The following NAA35 variants were observed in gnomAD, a reference collection of about 807,000 sequenced individuals.
The protein encoded by NAA35 is MAK10 homolog, amino-acid N-acetyltransferase subunit.
In NAA35, 18 loss-of-function variants were observed where a neutral mutation model predicts 101.7. The observed-to-expected ratio is 0.18, with a 90% CI of 0.12 to 0.26. The LOEUF is 0.26. Ranked by LOEUF, NAA35 falls within the 10% of genes least tolerant of loss-of-function variation. The pLI is 1.00. For missense variants in NAA35, 601 were observed against 886.8 expected (o/e 0.68, Z 4.09); for synonymous variants, 267 against 273.1 (o/e 0.98, Z 0.22).
At chr9:85,979,794 CCA>C (rs1034767968) in intron 11 of NAA35, among the ~76,000 whole-genome samples, 1 of 152,142 alleles carries the variant, frequency 6.6e-6, no homozygotes, top group Non-Finnish European at 1.5e-5. Context: ...GTAGGTTTTT[CCA>C]CACACACCAG....
intron 2 of NAA35, among the ~76,000 whole-genome samples, chr9:85,944,393 GGATTAGGAT>G (rs1828664714): frequency 6.6e-6 from 1 of 152,194 alleles, no homozygotes; most frequent in Admixed American, 6.5e-5. Flanking sequence ...AATTTATGAT[GGATTAGGAT>G]GAAAAGAGTC....
At chr9:85,943,323 G>A (rs1375590734) in intron 2 of NAA35, among the ~76,000 whole-genome samples, 1 of 152,168 alleles carries the variant, frequency 6.6e-6, no homozygotes, top group Non-Finnish European at 1.5e-5. Context: ...AAGGACTGAA[G>A]TTAGGATGAA....
intron 6 of NAA35, among the ~76,000 whole-genome samples, chr9:85,965,812 T>C (rs1053766257): frequency 2.6e-5 from 4 of 152,204 alleles, no homozygotes; most frequent in African/African-American, 9.7e-5. Flanking sequence ...TAGCTAAATC[T>C]TCATACATAA....
At chr9:85,985,654 T>C (rs1280523027) in intron 11 of NAA35, among the ~76,000 whole-genome samples, 2 of 152,212 alleles carry the variant, frequency 1.3e-5, no homozygotes, top group Admixed American at 6.5e-5. Flanking sequence ...GAAAATGTTC[T>C]AAATTTGATT....
intron 2 of NAA35, among the ~76,000 whole-genome samples, chr9:85,945,611 C>T (rs957110230): frequency 2.1e-5 from 3 of 145,604 alleles, no homozygotes; most frequent in Non-Finnish European, 2.9e-5. Flanking sequence ...CTCGACCTCC[C>T]GGGTTCACGC....
rs752498139 is a variant in NAA35, at chr9:85,961,996, CTT to C, written c.349-14_349-13del. ...CAGTTTATCACCTTAAATATATACTCTTTTGTTTCTTTATAGATAACGTGGTT... is the reference window on the plus strand; with the variant it reads ...CAGTTTATCACCTTAAATATATACTCTTGTTTCTTTATAGATAACGTGGTT... On this transcript the variant is annotated splice_polypyrimidine_tract_variant and intron_variant, in intron 5 of 22. Coordinates refer to ENST00000361671, the MANE Select transcript of NAA35 (RefSeq NM_024635.4). 2 of 1,588,992 alleles carry C rather than the reference CTT, an allele frequency of 1.3e-6. No individual in the cohort carries two copies. Among genetic ancestry groups the C allele is most frequent in the Non-Finnish European group, 8.5e-7 (1 of 1,170,256 alleles).
At chr9:85,983,546 GCAAA>G (rs982999475) in intron 11 of NAA35, among the ~76,000 whole-genome samples, 66 of 151,744 alleles carry the variant, frequency 4.3e-4, no homozygotes, top group African/African-American at 1.5e-3. Context: ...AATAAAACAG[GCAAA>G]CAAAGTACCT....
chr9:85,955,864 TATAGGGATTGAACACTG>T (rs1829253612), intron 2 of NAA35, among the ~76,000 whole-genome samples: 1 of 152,212 alleles, frequency 6.6e-6, no homozygotes, highest in African/African-American at 2.4e-5. Flanking sequence ...ACCACTGCTT[TATAGGGATTGAACACTG>T]TTTTGATTAC....
At position 85,953,394 on chromosome 9, in the gene NAA35, C is replaced by G. The variant is rs146743849; in HGVS notation, c.125-2966C>G. 3.9e-5 allele frequency among the ~76,000 whole-genome samples: 6 copies of G among 152,066 alleles called. No homozygotes were observed. In the East Asian group the frequency reaches 1.2e-3, roughly 29 times the overall value. On this transcript the variant is annotated intron_variant, in intron 2 of 22. Coordinates refer to ENST00000361671, the MANE Select transcript of NAA35 (RefSeq NM_024635.4). ...AACGGTAACTCTTCATCATTCCTCT[C>G]CCCATTCTCTGGCAACCAGCAGTCT...
intron 11 of NAA35, among the ~76,000 whole-genome samples, chr9:85,983,201 A>G (rs1442670185): frequency 2.0e-5 from 3 of 152,124 alleles, no homozygotes; most frequent in African/African-American, 7.2e-5. Flanking sequence ...TGAGAGAGTT[A>G]AGTGAAAGTT....
At chr9:86,018,647 T>C (rs886268277) in intron 20 of NAA35, 52 bp from the exon 21 acceptor site, 160 of 1,577,232 alleles carry the variant, frequency 1.0e-4, no homozygotes, top group Non-Finnish European at 1.3e-4. Context: ...AATGGGATTT[T>C]AGAGTTGTTC....
At chr9:85,980,861 A>G (rs1320347726) in intron 11 of NAA35, among the ~76,000 whole-genome samples, 2 of 152,180 alleles carry the variant, frequency 1.3e-5, no homozygotes, top group Non-Finnish European at 2.9e-5. Flanking sequence ...TGGCCATTCC[A>G]GTAGAGAGGA....
chr9:85,969,270 CAAAA>C (rs61275261), intron 6 of NAA35, among the ~76,000 whole-genome samples: 11 of 105,604 alleles, frequency 1.0e-4, no homozygotes, highest in Non-Finnish European at 8.6e-5. Flanking sequence ...CCTGGTATGT[CAAAA>C]AAAAAAAAAA....
In NAA35 at chr9:86,003,645, G is replaced by A; in HGVS notation, c.1116+1G>A. On this transcript the variant is annotated splice_donor_variant, in intron 13 of 22. Transcript: ENST00000361671. LOFTEE classifies it high-confidence loss of function. ...TGTTCTTTCAAGATCTCTGTTACAA[G>A]TAAGTTCCACTTAGTATCAAAATAC... The A allele has an allele frequency of 6.3e-7, 1 of 1,576,088 alleles. No individual in the cohort carries two copies. Among genetic ancestry groups the A allele is most frequent in the Non-Finnish European group, 8.7e-7 (1 of 1,152,622 alleles).
intron 13 of NAA35, among the ~76,000 whole-genome samples, chr9:86,005,503 T>G (rs537719631): frequency 6.6e-6 from 1 of 152,176 alleles, no homozygotes; most frequent in African/African-American, 2.4e-5. Context: ...GAAAAAGAAA[T>G]AAATGGCACA....
chr9:85,978,455 A>C (rs1368338556), intron 11 of NAA35, 74 bp downstream of exon 11: 1 of 1,058,560 alleles, frequency 9.4e-7, no homozygotes, highest in African/African-American at 1.6e-5. Flanking sequence ...AGCTTGTACT[A>C]AAGTTTTTTC....
intron 6 of NAA35, among the ~76,000 whole-genome samples, chr9:85,963,327 A>G (rs930819573): frequency 1.1e-4 from 15 of 139,426 alleles, no homozygotes; most frequent in South Asian, 8.9e-4. Context: ...TTGGAGTACA[A>G]TGGGGCAGTT....
chr9:86,018,618 G>C (rs1436452833), intron 20 of NAA35, 81 bp from the exon 21 acceptor site: 8 of 1,525,798 alleles, frequency 5.2e-6, no homozygotes, highest in African/African-American at 1.4e-5. Context: ...AGAAAATGTA[G>C]AATTCTTTAA....
chr9:85,996,518 A>G lies in NAA35; in HGVS notation c.997A>G (p.Ile333Val). 1 of 1,604,028 alleles carries G rather than the reference A, an allele frequency of 6.2e-7. No individual in the cohort carries two copies. Among genetic ancestry groups the G allele is most frequent in the Non-Finnish European group, 8.5e-7 (1 of 1,176,976 alleles). The part of the protein sequence containing the change: ...EEMVNYFARL[I>V]DRIKTVCEVV... ...AATGGTGAACTATTTTGCAAGATTA[A>G]TAGATAGAATAAAAACTGTCTGTGA... Residue 333 changes from isoleucine (I) to valine (V), a missense_variant, in exon 12 of 23, where the codon ATA (isoleucine) becomes GTA (valine). This residue lies in a region of NAA35 where 190 missense variants were observed against 223.1 expected (regional missense o/e 0.85). Transcript: ENST00000361671.
Sources: gnomAD v4.1 joint callset for allele counts (sites outside exome capture counted in the v4.1 genomes callset) on GRCh38, gnomAD v4.1.1 for gene constraint, gnomAD v4.1.1 regional missense constraint, MANE v1.5 for transcripts, NCBI Gene and HGNC (gene_info 2026-07-23, HGNC 2026-07-21) for gene names.